ERC1: variants seen among roughly 807,000 people sequenced by gnomAD.
ERC1 encodes ELKS/RAB6-interacting/CAST family member 1.
A neutral mutation model predicts 132.0 loss-of-function variants in ERC1; 56 were observed. The observed-to-expected ratio is 0.42, with a 90% CI of 0.34 to 0.53. The LOEUF is 0.53. Ranked by LOEUF, ERC1 falls within the 20% of genes least tolerant of loss-of-function variation. The pLI, the probability that ERC1 is intolerant of heterozygous loss-of-function variation, is 0.03. For synonymous variants in ERC1, 478 were observed against 476.1 expected (o/e 1.00, Z -0.05); for missense variants, 1,202 against 1,349.9 (o/e 0.89, Z 1.72).
intron 15 of ERC1, among the ~76,000 whole-genome samples, chr12:1,352,071 T>C (rs1265133453): frequency 6.6e-6 from 1 of 152,138 alleles, no homozygotes; most frequent in East Asian, 1.9e-4. Flanking sequence ...AAATACCCAA[T>C]TCTCCCCAGA....
intron 16 of ERC1, among the ~76,000 whole-genome samples, chr12:1,404,504 A>C (rs2091320353): frequency 1.3e-5 from 2 of 152,230 alleles, no homozygotes; most frequent in Admixed American, 6.5e-5. Flanking sequence ...AAACAGAAGA[A>C]AAACATTATT....
At chr12:1,372,680 T>C (rs968553869) in intron 16 of ERC1, among the ~76,000 whole-genome samples, 5 of 152,232 alleles carry the variant, frequency 3.3e-5, no homozygotes, top group Non-Finnish European at 5.9e-5. Flanking sequence ...ACGGCAGTGC[T>C]CCTCGTTGAG....
intron 2 of ERC1, among the ~76,000 whole-genome samples, chr12:1,062,309 A>G (rs1459696351): frequency 2.6e-5 from 4 of 151,782 alleles, no homozygotes; most frequent in African/African-American, 7.3e-5. Flanking sequence ...GAAAATGAAG[A>G]CGGGGTTTTG....
intron 18 of ERC1, among the ~76,000 whole-genome samples, chr12:1,466,309 A>G (rs532681112): frequency 6.6e-6 from 1 of 152,120 alleles, no homozygotes; most frequent in Non-Finnish European, 1.5e-5. Flanking sequence ...CTGTATGTCC[A>G]GATTTCCTCC....
At chr12:1,218,857 T>C (rs550814483) in intron 12 of ERC1, among the ~76,000 whole-genome samples, 82 of 147,934 alleles carry the variant, frequency 5.5e-4, no homozygotes, top group African/African-American at 1.5e-3. Flanking sequence ...CACACACACA[T>C]ATATATATAT....
In ERC1 at chr12:1,180,601, G is replaced by A; in HGVS notation, c.1799G>A (p.Arg600Gln). The change falls in exon 9 of 19, where the codon CGG (arginine) becomes CAG (glutamine). Residue 600 changes from arginine to glutamine, a missense_variant. Arg to Gln is a conservative substitution (Grantham distance 43). Transcript: ENST00000360905. The part of the protein sequence containing the change: ...KEKQMSSLKE[R>Q]VKSLQADTTN... ...AAGCAGATGAGCAGCTTGAAAGAAC[G>A]GGTCAAATCCTTGCAGGCTGACACC... is the stretch of plus-strand genomic sequence containing the variant. 3 of 1,613,970 alleles carry A rather than the reference G, an allele frequency of 1.9e-6. No individual in the cohort carries two copies. The highest frequency in any genetic ancestry group is 2.5e-6 in the Non-Finnish European group (3 of 1,179,996).
At chr12:1,121,228 C>G (rs574695816) in intron 7 of ERC1, among the ~76,000 whole-genome samples, 1 of 152,200 alleles carries the variant, frequency 6.6e-6, no homozygotes, top group South Asian at 2.1e-4. Flanking sequence ...CGCAAACTTG[C>G]GTTCTTGATC....
At chr12:1,475,355 C>T (rs564543636) in intron 18 of ERC1, among the ~76,000 whole-genome samples, 4 of 152,138 alleles carry the variant, frequency 2.6e-5, no homozygotes, top group African/African-American at 4.8e-5. Flanking sequence ...CCTTTTGTTA[C>T]GAGGCAATAT....
chr12:1,312,124 C>T (rs73032737), intron 15 of ERC1, among the ~76,000 whole-genome samples: 5,268 of 152,252 alleles, frequency 0.035, 97 homozygotes, highest in Middle Eastern at 0.075. Context: ...TTTTCATCAA[C>T]AGCTACAGGA....
chr12:1,011,386 TG>T, intron 1 of ERC1, among the ~76,000 whole-genome samples: 1 of 152,078 alleles, frequency 6.6e-6, no homozygotes, highest in East Asian at 1.9e-4. Flanking sequence ...AAAATTTTTT[TG>T]TAGAGACAGG....
At position 1,186,606 on chromosome 12, in the gene ERC1, AT is replaced by A. The variant is rs537161930; in HGVS notation, c.2157+3187del. 2.0e-4 allele frequency among the ~76,000 whole-genome samples: 30 copies of A among 152,302 alleles called. No homozygotes were observed. The South Asian group carries it at 6.2e-3, about 32-fold the overall frequency. Reference sequence around the variant, plus strand: ...TTCTGAATGTTCTTGACCTTTTCACATTCTAAAAGCAAGGTGTATGGAGTAT... The same window carrying A: ...TTCTGAATGTTCTTGACCTTTTCACATCTAAAAGCAAGGTGTATGGAGTAT... On this transcript the variant is annotated intron_variant, in intron 11 of 18. Transcript: ENST00000360905.
chr12:1,092,456 C>T (rs778821636), intron 3 of ERC1, among the ~76,000 whole-genome samples: 9 of 152,164 alleles, frequency 5.9e-5, no homozygotes, highest in Non-Finnish European at 1.3e-4. Context: ...CATGTCCATT[C>T]ATTTTGTCAT....
At chr12:1,243,123 C>T (rs1024506696) in intron 13 of ERC1, among the ~76,000 whole-genome samples, 5 of 147,650 alleles carry the variant, frequency 3.4e-5, no homozygotes, top group Admixed American at 6.9e-5. Flanking sequence ...GGAAGCGGAG[C>T]TTGCAGTGAG....
At chr12:990,091 G>A (rs1959166866), upstream of ERC1, 3 of 152,242 alleles carry the variant, frequency 2.0e-5, no homozygotes, top group Admixed American at 2.0e-4. Context: ...GTAGAAACTG[G>A]TGAGTGAATG....
At chr12:1,464,119 T>C (rs1261333004) in intron 18 of ERC1, among the ~76,000 whole-genome samples, 1 of 152,168 alleles carries the variant, frequency 6.6e-6, no homozygotes, top group Non-Finnish European at 1.5e-5. Context: ...AGATATTAAG[T>C]ATTATTTGCA....
At chr12:1,074,512 C>T (rs1477997662) in intron 2 of ERC1, among the ~76,000 whole-genome samples, 2 of 151,942 alleles carry the variant, frequency 1.3e-5, no homozygotes, top group Non-Finnish European at 2.9e-5. Flanking sequence ...TCAAACTGGT[C>T]TCAAACTCCC....
chr12:1,149,249 C>T (rs1437751749), intron 8 of ERC1, among the ~76,000 whole-genome samples: 1 of 152,016 alleles, frequency 6.6e-6, no homozygotes, highest in Non-Finnish European at 1.5e-5. Flanking sequence ...TTCCACATTT[C>T]CATCCAGAGA....
chr12:1,059,123 A>C (rs2154174112), intron 2 of ERC1, among the ~76,000 whole-genome samples: 1 of 152,120 alleles, frequency 6.6e-6, no homozygotes, highest in Non-Finnish European at 1.5e-5. Context: ...ATTCTTGGTT[A>C]CTTTTTTAGC....
intron 2 of ERC1, among the ~76,000 whole-genome samples, chr12:1,053,845 T>G (rs890931505): frequency 1.3e-5 from 2 of 152,140 alleles, no homozygotes; most frequent in Non-Finnish European, 2.9e-5. Flanking sequence ...ACTTTGCAAA[T>G]TATGGTATGT....
Sources: gnomAD v4.1 joint callset for allele counts (sites outside exome capture counted in the v4.1 genomes callset) on GRCh38, gnomAD v4.1.1 for gene constraint, MANE v1.5 for transcripts, NCBI Gene and HGNC (gene_info 2026-07-23, HGNC 2026-07-21) for gene names.